ASCC3: variants seen among roughly 807,000 people sequenced by gnomAD.
ASCC3 encodes ASC-1 complex subunit P200.
A neutral mutation model predicts 256.3 loss-of-function variants in ASCC3; 158 were observed. The observed-to-expected ratio is 0.62, with a 90% confidence interval of 0.54 to 0.70. The LOEUF (loss-of-function observed/expected upper bound fraction) is 0.70, where lower values mean the gene tolerates loss of function less well. Ranked by LOEUF, ASCC3 falls within the 30% of genes least tolerant of loss-of-function variation. The pLI, the probability that ASCC3 is intolerant of heterozygous loss-of-function variation, is 0.00. For synonymous variants in ASCC3, 948 were observed against 883.4 expected, an observed-to-expected ratio of 1.07 and a Z score of -1.30; for missense variants, 2,259 against 2,626.0, an observed-to-expected ratio of 0.86 and a Z score of 3.05.
intron 37 of ASCC3, among the ~76,000 whole-genome samples, chr6:100,539,018 T>C (rs996277243): frequency 6.6e-6 from 1 of 152,148 alleles, no homozygotes; most frequent in Admixed American, 6.5e-5. Flanking sequence ...CTAGTTGCTA[T>C]GGAGAAAAGC....
chr6:100,665,266 T>C (rs1042619344), intron 14 of ASCC3, among the ~76,000 whole-genome samples: 6 of 152,072 alleles, frequency 3.9e-5, no homozygotes. Context: ...TAGGAGGAGG[T>C]AGGAGTCACT....
At chr6:100,668,985 AG>A (rs1373650355) in intron 14 of ASCC3, among the ~76,000 whole-genome samples, 1 of 151,668 alleles carries the variant, frequency 6.6e-6, no homozygotes, top group Non-Finnish European at 1.5e-5. Flanking sequence ...ACTAGACATG[AG>A]AAAAAACGAA....
chr6:100,668,115 T>C (rs1000453799), intron 14 of ASCC3, among the ~76,000 whole-genome samples: 1 of 152,072 alleles, frequency 6.6e-6, no homozygotes, highest in Non-Finnish European at 1.5e-5. Flanking sequence ...TGTCTAAGGC[T>C]GCTTGAGCTA....
intron 29 of ASCC3, among the ~76,000 whole-genome samples, chr6:100,626,481 A>G (rs1774241832): frequency 6.6e-6 from 1 of 152,100 alleles, no homozygotes; most frequent in Admixed American, 6.6e-5. Flanking sequence ...TAAATAGTAC[A>G]TAAGTATAGC....
At chr6:100,650,784 T>A in intron 19 of ASCC3, 70 bp from the exon 20 acceptor site, 3 of 1,188,250 alleles carry the variant, frequency 2.5e-6, no homozygotes, top group Non-Finnish European at 3.7e-6. Context: ...TGAAATTAAA[T>A]ACATTGCATG....
chr6:100,561,926 C>T (rs781526265), intron 36 of ASCC3, among the ~76,000 whole-genome samples: 1 of 152,092 alleles, frequency 6.6e-6, no homozygotes, highest in Non-Finnish European at 1.5e-5. Context: ...GATTACAGTG[C>T]TTCTGGCAAA....
chr6:100,748,780 G>C (rs1486472491), intron 10 of ASCC3, among the ~76,000 whole-genome samples: 1 of 151,990 alleles, frequency 6.6e-6, no homozygotes, highest in Non-Finnish European at 1.5e-5. Flanking sequence ...AGATTAGTCT[G>C]CATTCAGTTG....
intron 36 of ASCC3, among the ~76,000 whole-genome samples, chr6:100,575,216 T>A (rs1409052340): frequency 6.6e-6 from 1 of 152,118 alleles, no homozygotes; most frequent in African/African-American, 2.4e-5. Flanking sequence ...TCTTTAATTT[T>A]TTTTTACGTG....
intron 8 of ASCC3, among the ~76,000 whole-genome samples, chr6:100,772,751 A>G (rs568414181): frequency 2.4e-4 from 37 of 152,318 alleles, no homozygotes; most frequent in African/African-American, 8.9e-4. Flanking sequence ...CAGAGACCCA[A>G]GTTAAAATAC....
rs567333531 is a variant in ASCC3 at position 100,710,066 on chromosome 6, T to A, written c.2151+5396A>T. On this transcript the variant is annotated intron_variant, in intron 13 of 41. Coordinates refer to ENST00000369162, the MANE Select transcript of ASCC3 (RefSeq NM_006828.4). ...GCATCTTAAAGAAGGATCATAGTTA[T>A]CCTGCTCTAATTCTTCTTTGCAGTA... Among the ~76,000 whole-genome samples the A allele has an allele frequency of 2.3e-4, 35 of 152,310 alleles. 2 individuals are homozygous for A. In the South Asian group the frequency reaches 7.0e-3, roughly 31 times the overall value.
chr6:100,605,926 C>A (rs1446549247), intron 32 of ASCC3, among the ~76,000 whole-genome samples: 10 of 151,804 alleles, frequency 6.6e-5, no homozygotes, highest in Admixed American at 6.6e-4. Context: ...AAAACTGAGT[C>A]TTTGAAAGGG....
chr6:100,540,854 G>A (rs1304973064), intron 36 of ASCC3, among the ~76,000 whole-genome samples: 1 of 152,086 alleles, frequency 6.6e-6, no homozygotes, highest in African/African-American at 2.4e-5. Flanking sequence ...ATGAATGGAA[G>A]AAATAAGACA....
intron 10 of ASCC3, among the ~76,000 whole-genome samples, chr6:100,755,816 T>A (rs879303220): frequency 6.6e-6 from 1 of 152,170 alleles, no homozygotes; most frequent in Non-Finnish European, 1.5e-5. Context: ...AGCTAACTAC[T>A]GGACAAACTA....
chr6:100,866,189 C>T (rs975197128), intron 2 of ASCC3, among the ~76,000 whole-genome samples: 2 of 152,066 alleles, frequency 1.3e-5, no homozygotes, highest in African/African-American at 4.8e-5. Flanking sequence ...AGGCTGGTCA[C>T]GAAGTCATGA....
chr6:100,718,072 T>G lies in ASCC3; in HGVS notation c.2079+3A>C. 6.2e-7 allele frequency: 1 copy of G among 1,612,344 alleles called. No individual in the cohort carries two copies. ...TTAGATAAGAATTAAAATGAGTATT[T>G]ACCTTATTTGCACATTTAATCCCCA... On this transcript the variant is annotated splice_donor_region_variant and intron_variant, in intron 12 of 41. Transcript: ENST00000369162.
chr6:100,845,760 C>T (rs956008054), intron 4 of ASCC3, among the ~76,000 whole-genome samples: 2 of 152,040 alleles, frequency 1.3e-5, no homozygotes, highest in Non-Finnish European at 2.9e-5. Context: ...ATGTTTCTAA[C>T]ACTAGTTTAA....
intron 14 of ASCC3, among the ~76,000 whole-genome samples, chr6:100,666,598 A>G (rs1776486298): frequency 6.6e-6 from 1 of 152,140 alleles, no homozygotes; most frequent in Non-Finnish European, 1.5e-5. Context: ...AACATCTTCC[A>G]TGTTCTTGGA....
At chr6:100,525,976 T>C (rs1426366781) in intron 37 of ASCC3, among the ~76,000 whole-genome samples, 1 of 152,128 alleles carries the variant, frequency 6.6e-6, no homozygotes, top group East Asian at 1.9e-4. Context: ...GAAAAGCCAC[T>C]CCTTTAAAGG....
intron 14 of ASCC3, among the ~76,000 whole-genome samples, chr6:100,665,581 C>A (rs537103908): frequency 5.7e-4 from 84 of 146,298 alleles, no homozygotes; most frequent in East Asian, 4.4e-3. Flanking sequence ...AACAAACAAA[C>A]AAAAAAAAAA....
Sources: gnomAD v4.1 joint callset for allele counts (sites outside exome capture counted in the v4.1 genomes callset) on GRCh38, gnomAD v4.1.1 for gene constraint, MANE v1.5 for transcripts, NCBI Gene and HGNC (gene_info 2026-07-23, HGNC 2026-07-21) for gene names.